TNFRSF11A: variants seen among roughly 807,000 people sequenced by gnomAD.
TNFRSF11A encodes the protein tumor necrosis factor receptor superfamily member 11A.
TNFRSF11A carries 32 observed loss-of-function variants against 55.7 expected under a neutral mutation model. That is an observed-to-expected ratio of 0.57 (90% CI 0.43 to 0.77). The LOEUF (loss-of-function observed/expected upper bound fraction) is 0.77. TNFRSF11A is among the 30% of genes least tolerant of loss of function. The probability of loss-of-function intolerance (pLI) is 0.00; values close to 1 mark genes in which losing one functional copy is unlikely to be tolerated. For synonymous variants in TNFRSF11A, 311 were observed against 331.0 expected, an observed-to-expected ratio of 0.94 and a Z score of 0.65; for missense variants, 753 against 809.8, an observed-to-expected ratio of 0.93 and a Z score of 0.85.
At chr18:62,380,076 T>C (rs1292964318) in intron 9 of TNFRSF11A, among the ~76,000 whole-genome samples, 2 of 152,186 alleles carry the variant, frequency 1.3e-5, no homozygotes, top group East Asian at 1.9e-4. Context: ...TGAAAAATTT[T>C]CCCCTTTTGC....
Position 62,388,344 on chromosome 18 carries a change from G to A in TNFRSF11A, c.*3310G>A, listed in dbSNP as rs1911864215. 6.6e-6 allele frequency: 1 copy of A among 152,246 alleles called. No individual in the cohort carries two copies. The highest frequency in any genetic ancestry group is 2.4e-5 in the African/African-American group (1 of 41,454). 9.4% of individuals were successfully genotyped at this position (152,246 alleles called of 1,614,324 possible). On this transcript the variant is annotated 3_prime_UTR_variant, in exon 10 of 10. Transcript: ENST00000586569. ...ACCTGCCAGGCTTCTTGAGGCCTAG[G>A]CTCTAACTGGCATGCTGTCACTTCT...
At chr18:62,366,108 G>A (rs34432907) in intron 7 of TNFRSF11A, among the ~76,000 whole-genome samples, 18,285 of 152,248 alleles carry the variant, frequency 0.12, 1,566 homozygotes, top group Non-Finnish European at 0.18. Flanking sequence ...GTGAGCCACC[G>A]CGCCTGGCCC....
chr18:62,369,795 G>T (rs1910399693), intron 9 of TNFRSF11A, among the ~76,000 whole-genome samples: 1 of 152,132 alleles, frequency 6.6e-6, no homozygotes, highest in Non-Finnish European at 1.5e-5. Context: ...CACTGACCCC[G>T]GAAAGACAAA....
chr18:62,381,220 A>G (rs1159681187), intron 9 of TNFRSF11A, among the ~76,000 whole-genome samples: 2 of 152,208 alleles, frequency 1.3e-5, no homozygotes, highest in East Asian at 3.8e-4. Context: ...AAAAATGAAT[A>G]TAGGTCCTAT....
chr18:62,377,089 A>AT (rs1056015427), intron 9 of TNFRSF11A, among the ~76,000 whole-genome samples: 3 of 151,760 alleles, frequency 2.0e-5, no homozygotes, highest in Admixed American at 6.6e-5. Context: ...AATTTTTTGT[A>AT]TTTTTTTAGT....
chr18:62,355,644 T>C (rs1909203685), intron 4 of TNFRSF11A, among the ~76,000 whole-genome samples: 1 of 152,208 alleles, frequency 6.6e-6, no homozygotes, highest in African/African-American at 2.4e-5. Context: ...CTGGACCAAG[T>C]TGTCACTGCA....
intron 9 of TNFRSF11A, among the ~76,000 whole-genome samples, chr18:62,381,512 A>G (rs1459095434): frequency 2.0e-5 from 3 of 152,242 alleles, no homozygotes; most frequent in African/African-American, 4.8e-5. Context: ...CCATAAATCC[A>G]TCATACAGTG....
intron 9 of TNFRSF11A, among the ~76,000 whole-genome samples, chr18:62,371,039 AG>A (rs1910515762): frequency 1.3e-5 from 2 of 152,204 alleles, no homozygotes; most frequent in South Asian, 4.1e-4. Context: ...CATGTTGGCC[AG>A]GCTGGTCTCA....
intron 4 of TNFRSF11A, among the ~76,000 whole-genome samples, chr18:62,356,060 C>T (rs1487252829): frequency 1.3e-5 from 2 of 152,144 alleles, no homozygotes; most frequent in Non-Finnish European, 2.9e-5. Flanking sequence ...AATAGAAATC[C>T]TTTTGAGTTG....
In TNFRSF11A at chr18:62,390,639, G is replaced by A. The variant is rs188265695; in HGVS notation, c.*5605G>A. 4 of 152,306 alleles carry A rather than the reference G, an allele frequency of 2.6e-5. No homozygotes were observed. The highest frequency in any genetic ancestry group is 1.9e-4 in the East Asian group (1 of 5,184). 9.4% of individuals were successfully genotyped at this position (152,306 alleles called of 1,614,324 possible). A position where few individuals can be genotyped will look rare whatever the true frequency, so the allele number is the denominator to read the frequency against. ...ATAGACTTTAAGTCGTGAGAAAAAC[G>A]ACATTCTTATGGTGAGGCTCTTAGA... On this transcript the variant is annotated 3_prime_UTR_variant, in exon 10 of 10. Transcript: ENST00000586569.
At chr18:62,360,327 G>T (rs1600392776) in intron 6 of TNFRSF11A, among the ~76,000 whole-genome samples, 1 of 152,342 alleles carries the variant, frequency 6.6e-6, no homozygotes, top group East Asian at 1.9e-4. Flanking sequence ...CTCAGACATG[G>T]TGGGATGATG....
intron 3 of TNFRSF11A, 143 bp from the exon 4 acceptor site, chr18:62,354,248 C>CGAGCAGTGTCCTGGT: frequency 9.5e-7 from 1 of 1,054,686 alleles, no homozygotes; most frequent in Non-Finnish European, 1.3e-6. Context: ...TGGGACTTCT[C>CGAGCAGTGTCCTGGT]GAGCAGTGTC....
chr18:62,340,235 T>C (rs905140791), intron 1 of TNFRSF11A, among the ~76,000 whole-genome samples: 13 of 151,896 alleles, frequency 8.6e-5, no homozygotes, highest in African/African-American at 2.7e-4. Context: ...TGGGTTTTCT[T>C]TGAAACAGGG....
chr18:62,354,732 G>A (rs558338279), intron 4 of TNFRSF11A, among the ~76,000 whole-genome samples, 198 bp downstream of exon 4: 1 of 152,216 alleles, frequency 6.6e-6, no homozygotes, highest in Non-Finnish European at 1.5e-5. Context: ...CCTCGGCTTA[G>A]GTTCTTCAAA....
intron 1 of TNFRSF11A, among the ~76,000 whole-genome samples, chr18:62,342,581 C>T (rs4574025): frequency 0.55 from 84,131 of 151,806 alleles, 23,364 homozygotes; most frequent in East Asian, 0.62. Flanking sequence ...ACGTTTTCCT[C>T]ACATTCACAG....
chr18:62,326,059 G>A (rs1347034233), intron 1 of TNFRSF11A, among the ~76,000 whole-genome samples: 1 of 152,230 alleles, frequency 6.6e-6, no homozygotes, highest in East Asian at 1.9e-4. Flanking sequence ...AGGTTTCTCA[G>A]TACAGTTAGC....
At position 62,335,126 on chromosome 18, in the gene TNFRSF11A, G is replaced by A. The variant is rs569914752; in HGVS notation, c.75+9699G>A. On this transcript the variant is annotated intron_variant, in intron 1 of 9. Transcript: ENST00000586569. ...TCCCTGTGACCAAGCCACTGGGGTCGGAATTTTTTTTTTTTTTTTGTTACC... is the reference window on the plus strand; with the variant it reads ...TCCCTGTGACCAAGCCACTGGGGTCAGAATTTTTTTTTTTTTTTTGTTACC... Among the ~76,000 whole-genome samples the A allele has an allele frequency of 2.6e-4, 15 of 58,700 alleles. No individual in the cohort carries two copies. The South Asian group carries it at 5.3e-3, about 21-fold the overall frequency. 38.5% of individuals were successfully genotyped at this position (58,700 alleles called of 152,430 possible). A position where few individuals can be genotyped will look rare whatever the true frequency, so the allele number is the denominator to read the frequency against.
At chr18:62,376,538 G>GC (rs1910910316) in intron 9 of TNFRSF11A, among the ~76,000 whole-genome samples, 1 of 151,956 alleles carries the variant, frequency 6.6e-6, no homozygotes. Context: ...TATACCTCCT[G>GC]CCCCCCACAC....
chr18:62,342,868 A>G (rs1163375186), intron 1 of TNFRSF11A, among the ~76,000 whole-genome samples: 1 of 152,226 alleles, frequency 6.6e-6, no homozygotes, highest in Non-Finnish European at 1.5e-5. Context: ...TGATGTATTA[A>G]TTCTACCTTT....
Sources: allele counts gnomAD v4.1 joint callset (sites outside exome capture counted in the v4.1 genomes callset), GRCh38; gene constraint gnomAD v4.1.1; transcripts MANE v1.5; gene names NCBI Gene and HGNC (gene_info 2026-07-23, HGNC 2026-07-21).